The following IL10RB variants were observed in gnomAD, a reference collection of about 807,000 sequenced individuals.
IL10RB encodes the protein interleukin 10 receptor subunit beta.
Under a neutral mutation model 38.7 loss-of-function variants are expected in IL10RB, and 30 were observed. The observed-to-expected ratio is 0.78, with a 90% CI of 0.58 to 1.05. The LOEUF is 1.05. Among genes scored for constraint, IL10RB ranks in the 50% least tolerant of loss-of-function variants. The pLI is 0.00. For missense variants in IL10RB, 328 were observed against 397.1 expected (o/e 0.83, Z 1.48); for synonymous variants, 142 against 145.9 (o/e 0.97, Z 0.19).
At chr21:33,282,611 T>G (rs1989299894) in intron 4 of IL10RB, among the ~76,000 whole-genome samples, 1 of 152,148 alleles carries the variant, frequency 6.6e-6, no homozygotes, top group Non-Finnish European at 1.5e-5. Flanking sequence ...AGACAAAGTC[T>G]CGCTCTGTCA....
downstream of IL10RB, among the ~76,000 whole-genome samples, chr21:33,300,621 G>A (rs1164497260): frequency 6.6e-6 from 1 of 152,194 alleles, no homozygotes; most frequent in African/African-American, 2.4e-5. Context: ...ATATCCAGAT[G>A]CTACAGTCTG....
At chr21:33,300,575 T>C (rs7283904), downstream of IL10RB, among the ~76,000 whole-genome samples, 2,929 of 152,040 alleles carry the variant, frequency 0.019, 97 homozygotes, top group African/African-American at 0.067. Context: ...AAAACAAATA[T>C]GCAAAGTGAA....
At chr21:33,285,773 G>A (rs756343725) in intron 5 of IL10RB, among the ~76,000 whole-genome samples, 5 of 152,190 alleles carry the variant, frequency 3.3e-5, no homozygotes, top group Non-Finnish European at 7.3e-5. Flanking sequence ...AAGGATGGAT[G>A]GATGAGTAGG....
At chr21:33,308,465 GAAGT>G (rs1174028979) in intron 1 of IL10RB, 1 of 152,182 alleles carries the variant, frequency 6.6e-6, no homozygotes, top group Non-Finnish European at 1.5e-5. Context: ...AAAATTAAAT[GAAGT>G]AAGTTAATAT....
At chr21:33,284,131 A>AC (rs767853297) in intron 5 of IL10RB, among the ~76,000 whole-genome samples, 4 of 152,052 alleles carry the variant, frequency 2.6e-5, no homozygotes, top group Non-Finnish European at 4.4e-5. Flanking sequence ...CCCTGTCTCT[A>AC]CCAAAAATGC....
At chr21:33,270,483 C>G (rs1989056140) in intron 2 of IL10RB, among the ~76,000 whole-genome samples, 1 of 151,626 alleles carries the variant, frequency 6.6e-6, no homozygotes, top group Admixed American at 6.6e-5. Context: ...CGGGTTCACG[C>G]CATTCTCCTG....
rs968662142 is a variant in IL10RB, at chr21:33,276,629, T to C, written c.207T>C (p.Thr69=). Residue 69 remains threonine, a synonymous_variant, in exon 3 of 7, where the codon ACT becomes ACC. Coordinates refer to ENST00000290200, the MANE Select transcript of IL10RB (RefSeq NM_000628.5). The stretch of plus-strand genomic sequence containing the variant: ...TATTCCAAGATAAATGCATGAATAC[T>C]ACCTTGACGGAATGTGATTTCTCAA... ...YRIFQDKCMN[T]TLTECDFSSL... 2.5e-6 allele frequency: 4 copies of C among 1,613,206 alleles called. No homozygotes were observed. In the Admixed American group the frequency reaches 5.0e-5, roughly 20 times the overall value.
intron 6 of IL10RB, among the ~76,000 whole-genome samples, chr21:33,294,739 C>A (rs548648192): frequency 3.5e-4 from 54 of 152,284 alleles, no homozygotes; most frequent in African/African-American, 1.3e-3. Context: ...GGGGTTCCAT[C>A]TGTAGGGAAA....
intron 4 of IL10RB, among the ~76,000 whole-genome samples, chr21:33,281,842 A>G (rs1989286023): frequency 6.6e-6 from 1 of 152,168 alleles, no homozygotes; most frequent in Non-Finnish European, 1.5e-5. Context: ...CACAGCATGA[A>G]GGGCTTTTGA....
At chr21:33,273,539 T>C (rs1989117973) in intron 2 of IL10RB, among the ~76,000 whole-genome samples, 1 of 152,226 alleles carries the variant, frequency 6.6e-6, no homozygotes, top group Middle Eastern at 3.2e-3. Context: ...AGGGTAGTGG[T>C]TGCTGAGTTG....
intron 6 of IL10RB, chr21:33,294,132 G>C: frequency 2.2e-6 from 1 of 458,590 alleles, no homozygotes; most frequent in Non-Finnish European, 4.5e-6. Context: ...GCCCCTGTAA[G>C]ATCTGAGAAA....
chr21:33,284,337 T>C (rs1368729371), intron 5 of IL10RB, among the ~76,000 whole-genome samples: 1 of 151,178 alleles, frequency 6.6e-6, no homozygotes, highest in Non-Finnish European at 1.5e-5. Context: ...TCAAATAGCT[T>C]GCAAATACCA....
downstream of IL10RB, among the ~76,000 whole-genome samples, chr21:33,298,069 T>G (rs8178570): frequency 0.072 from 10,953 of 152,216 alleles, 1,285 homozygotes; most frequent in African/African-American, 0.25. Flanking sequence ...CTCAGGCTTC[T>G]TTTCTCTTAA....
At chr21:33,279,432 C>T (rs918003965) in intron 3 of IL10RB, among the ~76,000 whole-genome samples, 2 of 151,810 alleles carry the variant, frequency 1.3e-5, no homozygotes, top group Non-Finnish European at 1.5e-5. Flanking sequence ...GGAGAAGACA[C>T]CAAAAACATA....
At chr21:33,303,157 C>CCCCTGGCCCTG (rs1480337200) in intron 1 of IL10RB, among the ~76,000 whole-genome samples, 2 of 152,118 alleles carry the variant, frequency 1.3e-5, no homozygotes, top group Non-Finnish European at 2.9e-5. Flanking sequence ...TTCTTTCCTA[C>CCCCTGGCCCTG]TCCTGGCCCT....
At chr21:33,293,743 G>C (rs945281517) in intron 6 of IL10RB, among the ~76,000 whole-genome samples, 1 of 151,826 alleles carries the variant, frequency 6.6e-6, no homozygotes, top group South Asian at 2.1e-4. Context: ...GGAGGCTGAG[G>C]TTGCAGTGAG....
intron 3 of IL10RB, among the ~76,000 whole-genome samples, chr21:33,278,202 CAG>C: frequency 6.6e-6 from 1 of 152,054 alleles, no homozygotes; most frequent in Middle Eastern, 3.4e-3. Context: ...CCTGGGTGAC[CAG>C]AGTGAAGTCT....
chr21:33,284,383 T>TACAAA (rs1989337410), intron 5 of IL10RB, among the ~76,000 whole-genome samples: 1 of 152,088 alleles, frequency 6.6e-6, no homozygotes, highest in Non-Finnish European at 1.5e-5. Context: ...CCAAACATTT[T>TACAAA]ACAAAACAAA....
chr21:33,271,506 A>G (rs1166296994), intron 2 of IL10RB, among the ~76,000 whole-genome samples: 1 of 152,150 alleles, frequency 6.6e-6, no homozygotes, highest in African/African-American at 2.4e-5. Context: ...AGGTGGGTGG[A>G]TCACCTGAGA....
Sources: allele counts gnomAD v4.1 joint callset (sites outside exome capture counted in the v4.1 genomes callset), GRCh38; gene constraint gnomAD v4.1.1; transcripts MANE v1.5; gene names NCBI Gene and HGNC (gene_info 2026-07-23, HGNC 2026-07-21).